Variants in MAP4K4 observed in about 807,000 individuals in gnomAD.
The protein encoded by MAP4K4 is HPK/GCK-like kinase HGK.
MAP4K4 carries 38 observed loss-of-function variants against 189.6 expected under a neutral mutation model. That is an observed-to-expected ratio of 0.20 (90% CI 0.15 to 0.26). MAP4K4 has a LOEUF of 0.26. Among genes scored for constraint, MAP4K4 ranks in the 10% least tolerant of loss-of-function variants. The probability of loss-of-function intolerance (pLI) is 1.00; values close to 1 mark genes in which losing one functional copy is unlikely to be tolerated. For synonymous variants in MAP4K4, 610 were observed against 624.3 expected, an observed-to-expected ratio of 0.98 and a Z score of 0.34; for missense variants, 1,054 against 1,726.9, an observed-to-expected ratio of 0.61 and a Z score of 6.91.
intron 3 of MAP4K4, among the ~76,000 whole-genome samples, chr2:101,792,532 T>C (rs1575623994): frequency 1.3e-5 from 2 of 151,988 alleles, no homozygotes; most frequent in Admixed American, 1.3e-4. Context: ...AAAAAAGAAG[T>C]GTAAAATATA....
At chr2:101,815,908 A>T (rs1016253376) in intron 3 of MAP4K4, among the ~76,000 whole-genome samples, 1 of 152,028 alleles carries the variant, frequency 6.6e-6, no homozygotes, top group Admixed American at 6.6e-5. Context: ...TGGTTTCCGC[A>T]CGGGGACGTG....
chr2:101,864,103 T>C (rs946576120), intron 17 of MAP4K4, 52 bp downstream of exon 17: 8 of 1,059,894 alleles, frequency 7.5e-6, no homozygotes, highest in Non-Finnish European at 1.0e-5. Context: ...TTGTTATTTT[T>C]TTTTAAAGAT....
intron 3 of MAP4K4, among the ~76,000 whole-genome samples, chr2:101,817,690 A>C (rs560722022): frequency 1.3e-5 from 2 of 152,346 alleles, no homozygotes; most frequent in South Asian, 4.1e-4. Flanking sequence ...TCCATGGAGA[A>C]GAGGGCGGGT....
At chr2:101,757,447 A>G (rs1405868247) in intron 2 of MAP4K4, among the ~76,000 whole-genome samples, 1 of 152,228 alleles carries the variant, frequency 6.6e-6, no homozygotes, top group Non-Finnish European at 1.5e-5. Context: ...TGTAGCTCAC[A>G]AATGGTAGAA....
chr2:101,885,227 G>C, exon 29 of MAP4K4: 1 of 1,607,328 alleles, frequency 6.2e-7, no homozygotes, highest in South Asian at 1.1e-5. Flanking sequence ...TTGCTTTGAA[G>C]AGTTCTGTGG....
At chr2:101,823,863 G>A (rs906842514) in intron 3 of MAP4K4, 65 bp from the exon 4 acceptor site, 21 of 1,385,194 alleles carry the variant, frequency 1.5e-5, no homozygotes, top group African/African-American at 2.9e-5. Flanking sequence ...TGTATGTAGT[G>A]TGGGGGAAGT....
At chr2:101,748,744 G>A (rs1293535400) in intron 2 of MAP4K4, among the ~76,000 whole-genome samples, 3 of 151,988 alleles carry the variant, frequency 2.0e-5, no homozygotes, top group African/African-American at 7.2e-5. Flanking sequence ...TGACATGATT[G>A]TATATCTAGA....
intron 3 of MAP4K4, among the ~76,000 whole-genome samples, chr2:101,811,187 C>T (rs1334268398): frequency 6.6e-6 from 1 of 151,736 alleles, no homozygotes; most frequent in African/African-American, 2.4e-5. Flanking sequence ...TCCTGCCCAA[C>T]ATGGTGAAAC....
At chr2:101,742,397 A>G (rs2063238299) in intron 2 of MAP4K4, among the ~76,000 whole-genome samples, 1 of 152,106 alleles carries the variant, frequency 6.6e-6, no homozygotes, top group South Asian at 2.1e-4. Context: ...AGCCTTTAGA[A>G]TAAATTGCCT....
At position 101,860,556 on chromosome 2, in the gene MAP4K4, A is replaced by G. The variant is rs571140198; in HGVS notation, c.1705-269A>G. 99 of 295,774 alleles carry G rather than the reference A, an allele frequency of 3.3e-4. No individual in the cohort carries two copies. The Middle Eastern group carries it at 6.9e-3, about 21-fold the overall frequency. 18.3% of individuals were successfully genotyped at this position (295,774 alleles called of 1,614,324 possible). ...TGACAGATTAATTTTTTTCTACTTCATCATCATATACAGTCTTAGAATTCT... is the reference window on the plus strand; with the variant it reads ...TGACAGATTAATTTTTTTCTACTTCGTCATCATATACAGTCTTAGAATTCT... On this transcript the variant is annotated intron_variant, in intron 15 of 32. Coordinates refer to ENST00000324219, the Ensembl canonical transcript of MAP4K4.
chr2:101,869,493 C>T (rs938685265), intron 21 of MAP4K4, 129 bp from the exon 22 acceptor site: 3 of 664,882 alleles, frequency 4.5e-6, no homozygotes, highest in Non-Finnish European at 7.8e-6. Context: ...CTCACTTTCT[C>T]ATGAAACTGG....
At chr2:101,886,394 T>G (rs1185726906) in intron 29 of MAP4K4, among the ~76,000 whole-genome samples, 1 of 63,916 alleles carries the variant, frequency 1.6e-5, no homozygotes, top group Non-Finnish European at 3.0e-5. Flanking sequence ...CTTATGCTAC[T>G]AGTATGATAA....
intron 30 of MAP4K4, 69 bp downstream of exon 30, chr2:101,887,306 T>C: frequency 1.3e-6 from 2 of 1,489,432 alleles, no homozygotes; most frequent in Non-Finnish European, 1.8e-6. Flanking sequence ...TTCTTTACTC[T>C]GCTTAGTGAA....
chr2:101,821,531 A>G (rs1426123977), intron 3 of MAP4K4, among the ~76,000 whole-genome samples: 2 of 152,222 alleles, frequency 1.3e-5, no homozygotes, highest in East Asian at 1.9e-4. Context: ...GAGATTGTCA[A>G]AATATGTTAT....
intron 14 of MAP4K4, 145 bp from the exon 15 acceptor site, chr2:101,859,497 GC>G (rs1475515002): frequency 9.2e-5 from 58 of 633,192 alleles, no homozygotes; most frequent in African/African-American, 7.4e-4. Flanking sequence ...CAGGTAATGT[GC>G]TATTTAAAAT....
At chr2:101,851,772 C>A (rs1200537225) in intron 12 of MAP4K4, among the ~76,000 whole-genome samples, 2 of 44,294 alleles carry the variant, frequency 4.5e-5, no homozygotes, top group African/African-American at 1.1e-4. Flanking sequence ...AGCTATTGTT[C>A]TTAACTATTT....
At chr2:101,831,044 C>T (rs967070388) in intron 6 of MAP4K4, among the ~76,000 whole-genome samples, 4 of 152,120 alleles carry the variant, frequency 2.6e-5, no homozygotes, top group South Asian at 2.1e-4. Flanking sequence ...TGGCAGTGTG[C>T]GTAGTGATAG....
rs541836462 is a variant in MAP4K4, at chr2:101,871,633, C to T, written c.2900C>T (p.Pro967Leu). ...TCCTCCTCCCCATCCTCCAGCCAGC[C>T]GACACCCACCATGTCCCCACAGACA... The change falls in exon 24 of 33, where the codon CCG becomes CTG. Residue 967 changes from proline (P) to leucine (L), a missense_variant. This residue lies in a region of MAP4K4 where 646 missense variants were observed against 796.2 expected (regional missense o/e 0.81). Coordinates refer to ENST00000324219, the Ensembl canonical transcript of MAP4K4. 2.1e-5 allele frequency: 33 copies of T among 1,536,640 alleles called. No individual in the cohort carries two copies. The highest frequency in any genetic ancestry group is 4.9e-5 in the East Asian group (2 of 40,926).
chr2:101,781,468 C>T (rs1400564601), intron 2 of MAP4K4, among the ~76,000 whole-genome samples: 2 of 152,062 alleles, frequency 1.3e-5, no homozygotes, highest in African/African-American at 4.8e-5. Flanking sequence ...AGCCAAAGGT[C>T]GAGGGGCTGG....
Sources: gnomAD v4.1 joint callset for allele counts (sites outside exome capture counted in the v4.1 genomes callset) on GRCh38, gnomAD v4.1.1 for gene constraint, gnomAD v4.1.1 regional missense constraint, MANE v1.5 for transcripts, NCBI Gene and HGNC (gene_info 2026-07-23, HGNC 2026-07-21) for gene names.